Variants in TRPM3 observed in about 807,000 individuals in gnomAD.
The protein encoded by TRPM3 is transient receptor potential cation channel subfamily M member 3, also known as long transient receptor potential channel 3.
A neutral mutation model predicts 181.2 loss-of-function variants in TRPM3; 77 were observed. The observed-to-expected ratio is 0.42, with a 90% CI of 0.35 to 0.51. TRPM3 has a LOEUF of 0.51. Ranked by LOEUF, TRPM3 falls within the 20% of genes least tolerant of loss-of-function variation. The probability of loss-of-function intolerance (pLI) is 0.01; values close to 1 mark genes in which losing one functional copy is unlikely to be tolerated. For missense variants in TRPM3, 1,759 were observed against 2,196.7 expected (o/e 0.80, Z 3.98); for synonymous variants, 745 against 796.4 (o/e 0.94, Z 1.09).
intron 1 of TRPM3, among the ~76,000 whole-genome samples, chr9:71,150,647 A>C (rs547968595): frequency 2.5e-4 from 38 of 152,278 alleles, no homozygotes; most frequent in Non-Finnish European, 4.9e-4. Context: ...AAATTCAATG[A>C]AATAGCCTTC....
chr9:70,828,774 T>A (rs1266781300), intron 5 of TRPM3, among the ~76,000 whole-genome samples: 1 of 151,714 alleles, frequency 6.6e-6, no homozygotes, highest in Non-Finnish European at 1.5e-5. Context: ...TTATCTATAT[T>A]CCTTGCGACG....
chr9:70,782,490 G>A (rs2082682197), intron 7 of TRPM3, among the ~76,000 whole-genome samples: 2 of 152,124 alleles, frequency 1.3e-5, no homozygotes, highest in South Asian at 4.1e-4. Context: ...GGGATTATAG[G>A]CATGAGCCTC....
intron 1 of TRPM3, among the ~76,000 whole-genome samples, chr9:71,039,134 G>T (rs2058540908): frequency 6.6e-6 from 1 of 152,164 alleles, no homozygotes. Context: ...GCACTCTCAT[G>T]GAAGCCAGTG....
intron 5 of TRPM3, among the ~76,000 whole-genome samples, chr9:70,841,624 CTATATATATATATATATATATA>C (rs72421594): frequency 8.2e-5 from 6 of 72,908 alleles, no homozygotes; most frequent in Admixed American, 5.9e-4. Context: ...CTATATCCCA[CTATATATATATATATATATATA>C]TATATATATA....
At chr9:71,087,293 T>G (rs892474154) in intron 1 of TRPM3, among the ~76,000 whole-genome samples, 2 of 152,056 alleles carry the variant, frequency 1.3e-5, no homozygotes, top group Non-Finnish European at 2.9e-5. Context: ...GAAGTTTTAC[T>G]CTCTTTATGC....
At chr9:70,761,424 G>A in intron 8 of TRPM3, 177 bp downstream of exon 8, 1 of 803,742 alleles carries the variant, frequency 1.2e-6, no homozygotes, top group Non-Finnish European at 2.2e-6. Context: ...CTCGAAGGCA[G>A]TAAAAGCAGT....
intron 17 of TRPM3, 112 bp from the exon 18 acceptor site, chr9:70,616,187 T>G: frequency 1.4e-6 from 1 of 724,648 alleles, no homozygotes; most frequent in Non-Finnish European, 2.1e-6. Context: ...TATGCGTGTG[T>G]GTGTGTACAC....
intron 1 of TRPM3, among the ~76,000 whole-genome samples, chr9:71,361,201 G>A (rs979637495): frequency 6.6e-6 from 1 of 152,072 alleles, no homozygotes; most frequent in Non-Finnish European, 1.5e-5. Context: ...TGGCCAGGCT[G>A]GTCTTGAACT....
chr9:71,417,327 C>T (rs2093651821), intron 1 of TRPM3, among the ~76,000 whole-genome samples: 1 of 151,934 alleles, frequency 6.6e-6, no homozygotes. Context: ...TTAATTTTAG[C>T]CAATCTAATG....
chr9:70,655,722 C>A (rs534434640), intron 9 of TRPM3, among the ~76,000 whole-genome samples: 1 of 152,028 alleles, frequency 6.6e-6, no homozygotes, highest in Non-Finnish European at 1.5e-5. Context: ...TACCTTATGA[C>A]GTAAATTTTG....
intron 1 of TRPM3, among the ~76,000 whole-genome samples, chr9:71,418,017 G>A (rs765334488): frequency 4.7e-5 from 7 of 149,662 alleles, no homozygotes; most frequent in Non-Finnish European, 7.4e-5. Flanking sequence ...AAAAGGGACA[G>A]GAATAAATAT....
chr9:70,544,511 G>T (rs1329586362), intron 25 of TRPM3, among the ~76,000 whole-genome samples: 1 of 152,132 alleles, frequency 6.6e-6, no homozygotes, highest in Non-Finnish European at 1.5e-5. Flanking sequence ...AACCAAAGGA[G>T]AGATGGTAGA....
intron 21 of TRPM3, 58 bp from the exon 22 acceptor site, chr9:70,591,263 C>T: frequency 6.9e-7 from 1 of 1,456,686 alleles, no homozygotes; most frequent in Non-Finnish European, 9.6e-7. Context: ...ATTGAGTGTT[C>T]TTATAATTGC....
chr9:70,606,387 T>G (rs1167912638), intron 19 of TRPM3, among the ~76,000 whole-genome samples: 3 of 152,204 alleles, frequency 2.0e-5, no homozygotes, highest in Non-Finnish European at 4.4e-5. Flanking sequence ...TTCCTCCACT[T>G]TCATCATTTT....
At chr9:70,785,324 C>T (rs1431112457) in intron 6 of TRPM3, among the ~76,000 whole-genome samples, 1 of 152,150 alleles carries the variant, frequency 6.6e-6, no homozygotes, top group African/African-American at 2.4e-5. Context: ...CCATGAGAGA[C>T]ATGATGACAA....
chr9:70,771,379 A>C (rs2080222552), intron 7 of TRPM3, among the ~76,000 whole-genome samples: 1 of 152,170 alleles, frequency 6.6e-6, no homozygotes, highest in African/African-American at 2.4e-5. Flanking sequence ...AGAAGCCAAG[A>C]GAATCAGGCT....
intron 1 of TRPM3, among the ~76,000 whole-genome samples, chr9:71,307,783 G>T (rs550133265): frequency 1.2e-4 from 18 of 152,102 alleles, no homozygotes; most frequent in African/African-American, 4.3e-4. Context: ...ACAGAAAAAT[G>T]CTCAATCTCT....
At position 70,625,564 on chromosome 9, in the gene TRPM3, G is replaced by T. The variant is rs753076295; in HGVS notation, c.1633-47C>A. 3 of 1,568,420 alleles carry T rather than the reference G, an allele frequency of 1.9e-6. No homozygotes were observed. The highest frequency in any genetic ancestry group is 2.6e-6 in the Non-Finnish European group (3 of 1,151,118). ...AAATAAGAAGATGCAGTAATCGTCG[G>T]CAATAATAGAAAATCAAAATATTTA... On this transcript the variant is annotated intron_variant, in intron 12 of 25. Coordinates refer to ENST00000677713, the MANE Select transcript of TRPM3 (RefSeq NM_001366145.2). This position sits in a 1 kb window ranked among gnomAD's most constrained non-coding sequence, Gnocchi z 4.8.
chr9:71,152,018 T>G (rs1164712588), intron 1 of TRPM3, among the ~76,000 whole-genome samples: 2 of 152,140 alleles, frequency 1.3e-5, no homozygotes, highest in African/African-American at 4.8e-5. Flanking sequence ...AACCCTGGCT[T>G]GTTTTTCAAT....
Sources: allele counts gnomAD v4.1 joint callset (sites outside exome capture counted in the v4.1 genomes callset), GRCh38; gene constraint gnomAD v4.1.1; non-coding constraint Gnocchi (gnomAD v3.1); transcripts MANE v1.5; gene names NCBI Gene and HGNC (gene_info 2026-07-23, HGNC 2026-07-21).